CADPS2: variants seen among roughly 807,000 people sequenced by gnomAD.
The protein encoded by CADPS2 is calcium dependent secretion activator 2.
A neutral mutation model predicts 172.5 loss-of-function variants in CADPS2; 93 were observed. The ratio of observed to expected loss-of-function variants is 0.54; its 90% CI spans 0.46 to 0.64. CADPS2 has a LOEUF of 0.64. CADPS2 is among the 30% of genes least tolerant of loss of function. The pLI is 0.00. For synonymous variants in CADPS2, 546 were observed against 555.2 expected (o/e 0.98, Z 0.23); for missense variants, 1,420 against 1,565.9 (o/e 0.91, Z 1.57).
intron 1 of CADPS2, among the ~76,000 whole-genome samples, chr7:122,808,913 A>G (rs2140119544): frequency 6.6e-6 from 1 of 152,320 alleles, no homozygotes; most frequent in African/African-American, 2.4e-5. Context: ...TGCATGATAT[A>G]TGTATGTATA....
At position 122,722,027 on chromosome 7, in the gene CADPS2, C is replaced by T. The variant is rs529939378; in HGVS notation, c.453+14928G>A. On this transcript the variant is annotated intron_variant, in intron 2 of 29. Coordinates refer to ENST00000449022, the MANE Select transcript of CADPS2 (RefSeq NM_017954.11). The stretch of plus-strand genomic sequence containing the variant: ...TAAAAACTCTCAATAAATTTGGTAT[C>T]GATGGGACATATCTCAAAAGAATAA... Among the ~76,000 whole-genome samples, 343 of 152,116 alleles carry T rather than the reference C, an allele frequency of 2.3e-3. 4 individuals carry two copies. The highest frequency in any genetic ancestry group is 6.2e-3 in the African/African-American group (259 of 41,534).
At chr7:122,478,281 T>C (rs2056931450) in intron 12 of CADPS2, among the ~76,000 whole-genome samples, 2 of 152,234 alleles carry the variant, frequency 1.3e-5, no homozygotes, top group Non-Finnish European at 2.9e-5. Flanking sequence ...AAAATTTTAG[T>C]TCAATCTGTC....
chr7:122,381,155 T>C (rs1247299054), intron 24 of CADPS2, among the ~76,000 whole-genome samples: 1 of 152,132 alleles, frequency 6.6e-6, no homozygotes, highest in African/African-American at 2.4e-5. Context: ...CCCCAGCTCC[T>C]GGCTGAAAGC....
intron 1 of CADPS2, among the ~76,000 whole-genome samples, chr7:122,818,126 T>G (rs868009851): frequency 2.8e-5 from 4 of 143,758 alleles, no homozygotes; most frequent in South Asian, 2.2e-4. Context: ...ACCCCTTCCC[T>G]CCATTTCTCT....
chr7:122,554,592 A>G lies in CADPS2; in HGVS notation c.1433T>C (p.Leu478Pro). 6.2e-7 allele frequency: 1 copy of G among 1,611,944 alleles called. No homozygotes were observed. The highest frequency in any genetic ancestry group is 8.5e-7 in the Non-Finnish European group (1 of 1,178,850). ...NSQDSDLKIK[L>P]AVRMDKPAHM... ...TGCTGGTTTATCCATTCGCACTGCC[A>G]GTTTGATTTTTAAGTCAGAATCCTG... Residue 478 changes from leucine to proline, a missense_variant, in exon 8 of 30, where the codon CTG becomes CCG. By Grantham distance (98) the Leu-to-Pro change is moderately conservative (BLOSUM62 -3). Coordinates refer to ENST00000449022, the MANE Select transcript of CADPS2 (RefSeq NM_017954.11).
chr7:122,743,928 G>A (rs1452443709), intron 1 of CADPS2, among the ~76,000 whole-genome samples: 1 of 152,150 alleles, frequency 6.6e-6, no homozygotes, highest in African/African-American at 2.4e-5. Context: ...TATAAACCCT[G>A]TGGGATGTGC....
At chr7:122,823,127 T>G (rs1803871996) in intron 1 of CADPS2, among the ~76,000 whole-genome samples, 1 of 152,234 alleles carries the variant, frequency 6.6e-6, no homozygotes, top group Non-Finnish European at 1.5e-5. Flanking sequence ...GAAAAGTCTA[T>G]TCAGATCTTT....
chr7:122,721,794 A>G (rs1442799318), intron 2 of CADPS2, among the ~76,000 whole-genome samples: 1 of 152,204 alleles, frequency 6.6e-6, no homozygotes, highest in Non-Finnish European at 1.5e-5. Context: ...AATCCTCAAT[A>G]AAATACTGGC....
intron 2 of CADPS2, among the ~76,000 whole-genome samples, chr7:122,729,237 A>T (rs2091411321): frequency 6.6e-6 from 1 of 151,792 alleles, no homozygotes; most frequent in Admixed American, 6.6e-5. Context: ...CATTGTGTAT[A>T]TATATCACAT....
chr7:122,717,189 T>C (rs186286564), intron 2 of CADPS2, among the ~76,000 whole-genome samples: 2 of 152,124 alleles, frequency 1.3e-5, no homozygotes, highest in African/African-American at 4.8e-5. Context: ...CTTGTTATAA[T>C]TGTGAGTTAA....
At chr7:122,818,832 T>C (rs1802277456) in intron 1 of CADPS2, among the ~76,000 whole-genome samples, 1 of 152,190 alleles carries the variant, frequency 6.6e-6, no homozygotes, top group African/African-American at 2.4e-5. Context: ...TTTAGGCACT[T>C]TTTCAACAAA....
intron 6 of CADPS2, among the ~76,000 whole-genome samples, chr7:122,587,870 C>T (rs1379540850): frequency 2.6e-5 from 4 of 152,082 alleles, no homozygotes; most frequent in East Asian, 3.9e-4. Context: ...ACCTTGCTAA[C>T]ATCTGTTGTT....
chr7:122,632,438 G>C (rs1444965732), intron 3 of CADPS2, among the ~76,000 whole-genome samples: 1 of 152,102 alleles, frequency 6.6e-6, no homozygotes, highest in Non-Finnish European at 1.5e-5. Flanking sequence ...TTGTGGCTTT[G>C]ATTTGCATTT....
intron 24 of CADPS2, among the ~76,000 whole-genome samples, chr7:122,379,844 C>G (rs1295492621): frequency 6.6e-6 from 1 of 152,120 alleles, no homozygotes; most frequent in African/African-American, 2.4e-5. Context: ...TCATGTCTGA[C>G]AACTCTCATT....
Position 122,674,244 on chromosome 7 carries a change from C to T in CADPS2, c.454-10675G>A, listed in dbSNP as rs554555902. Among the ~76,000 whole-genome samples, 6 of 152,348 alleles carry T rather than the reference C, an allele frequency of 3.9e-5. No homozygotes were observed. The South Asian group carries it at 1.2e-3, about 32-fold the overall frequency. The stretch of plus-strand genomic sequence containing the variant: ...CCTCCCTGCAAGCAGAGGGAGCCAG[C>T]TCCGGCCTCAGCCAGCCCAGAGAGT... On this transcript the variant is annotated intron_variant, in intron 2 of 29. Coordinates refer to ENST00000449022, the MANE Select transcript of CADPS2 (RefSeq NM_017954.11).
At chr7:122,851,851 A>G (rs1007068841) in intron 1 of CADPS2, among the ~76,000 whole-genome samples, 3 of 152,202 alleles carry the variant, frequency 2.0e-5, no homozygotes, top group East Asian at 3.9e-4. Context: ...TATGGGAGCT[A>G]CAACTCAAGA....
intron 8 of CADPS2, among the ~76,000 whole-genome samples, chr7:122,543,476 T>C (rs1025036728): frequency 6.6e-6 from 1 of 152,026 alleles, no homozygotes; most frequent in Admixed American, 6.6e-5. Context: ...ATTTATTGAG[T>C]CTGACACATC....
At chr7:122,490,675 C>T (rs2129635296) in intron 10 of CADPS2, among the ~76,000 whole-genome samples, 1 of 151,540 alleles carries the variant, frequency 6.6e-6, no homozygotes, top group South Asian at 2.1e-4. Flanking sequence ...AATGATATTT[C>T]ATATTGCATG....
chr7:122,386,411 C>G, intron 24 of CADPS2: 1 of 651,930 alleles, frequency 1.5e-6, no homozygotes, highest in Non-Finnish European at 2.4e-6. Context: ...AAAAAGGCAA[C>G]AAAATCAACT....
Sources: gnomAD v4.1 joint callset for allele counts (sites outside exome capture counted in the v4.1 genomes callset) on GRCh38, gnomAD v4.1.1 for gene constraint, MANE v1.5 for transcripts, NCBI Gene and HGNC (gene_info 2026-07-23, HGNC 2026-07-21) for gene names.